SLC1A1: variants seen among roughly 807,000 people sequenced by gnomAD.
SLC1A1 encodes solute carrier family 1 member 1.
A neutral mutation model predicts 53.3 loss-of-function variants in SLC1A1; 43 were observed. The observed-to-expected ratio is 0.81, with a 90% CI of 0.63 to 1.04. The LOEUF is 1.04. Among genes scored for constraint, SLC1A1 ranks in the 50% least tolerant of loss-of-function variants. The pLI is 0.00. For synonymous variants in SLC1A1, 307 were observed against 243.2 expected (o/e 1.26, Z -2.44); for missense variants, 748 against 664.9 (o/e 1.12, Z -1.37).
intron 1 of SLC1A1, among the ~76,000 whole-genome samples, chr9:4,507,131 G>A (rs540439820): frequency 6.6e-6 from 1 of 152,186 alleles, no homozygotes; most frequent in African/African-American, 2.4e-5. Flanking sequence ...CCACTTGGGA[G>A]GTTGAGGCAG....
At chr9:4,516,199 A>C (rs575435266) in intron 1 of SLC1A1, among the ~76,000 whole-genome samples, 1 of 152,290 alleles carries the variant, frequency 6.6e-6, no homozygotes, top group African/African-American at 2.4e-5. Context: ...CCTTCACCCT[A>C]GGCATCCCTC....
At chr9:4,540,824 C>A (rs1321807200) in intron 1 of SLC1A1, among the ~76,000 whole-genome samples, 2 of 152,208 alleles carry the variant, frequency 1.3e-5, no homozygotes, top group Non-Finnish European at 2.9e-5. Flanking sequence ...ATAATGTGAT[C>A]TCATTTTAAA....
In SLC1A1 at chr9:4,585,650, C is replaced by T. The variant is rs1821522564; in HGVS notation, c.*92C>T. On this transcript the variant is annotated 3_prime_UTR_variant, in exon 12 of 12. Coordinates refer to ENST00000262352, the MANE Select transcript of SLC1A1 (RefSeq NM_004170.6). Reference sequence around the variant, plus strand: ...TTAAGGAAAAGAGAAACACTAATGGCCAAGTGTACATTTGATTTGATATAC... The same window carrying T: ...TTAAGGAAAAGAGAAACACTAATGGTCAAGTGTACATTTGATTTGATATAC... 2 of 1,447,338 alleles carry T rather than the reference C, an allele frequency of 1.4e-6. No individual in the cohort carries two copies. The highest frequency in any genetic ancestry group is 1.9e-6 in the Non-Finnish European group (2 of 1,032,496). The allele number at this position is 1,447,338 out of a possible 1,614,324, so 89.7% of individuals were successfully genotyped here.
intron 5 of SLC1A1, among the ~76,000 whole-genome samples, chr9:4,567,209 A>G (rs1310004908): frequency 3.3e-5 from 5 of 152,264 alleles, no homozygotes; most frequent in African/African-American, 9.6e-5. Flanking sequence ...TGGAACAACC[A>G]TATCGTTAAA....
At chr9:4,522,918 A>G (rs1049096037) in intron 1 of SLC1A1, among the ~76,000 whole-genome samples, 3 of 152,176 alleles carry the variant, frequency 2.0e-5, no homozygotes, top group South Asian at 2.1e-4. Context: ...CTGCCAAACC[A>G]TATCACCATC....
In SLC1A1 at chr9:4,583,056, C is replaced by T; in HGVS notation, c.1212C>T (p.Ala404=). 1.2e-6 allele frequency: 2 copies of T among 1,614,216 alleles called. No individual in the cohort carries two copies. The highest frequency in any genetic ancestry group is 1.7e-6 in the Non-Finnish European group (2 of 1,180,034). The change falls in exon 11 of 12, where the codon GCC becomes GCT. Residue 404 remains alanine (A), a synonymous_variant. Coordinates refer to ENST00000262352, the MANE Select transcript of SLC1A1 (RefSeq NM_004170.6). The surrounding 1 kb of genome is among the most constrained non-coding windows in gnomAD (Gnocchi z 4.6). ...IITISITATS[A]SIGAAGVPQA... ...TCTGCAGTATCACGGCCACATCTGC[C>T]AGCATCGGAGCTGCTGGCGTGCCCC...
At chr9:4,521,263 G>A (rs1816060900) in intron 1 of SLC1A1, among the ~76,000 whole-genome samples, 1 of 152,136 alleles carries the variant, frequency 6.6e-6, no homozygotes, top group Non-Finnish European at 1.5e-5. Flanking sequence ...GCCATATTGT[G>A]AAGCTTGGTT....
At chr9:4,555,147 A>C (rs953401353) in intron 2 of SLC1A1, among the ~76,000 whole-genome samples, 2 of 152,236 alleles carry the variant, frequency 1.3e-5, no homozygotes, top group Non-Finnish European at 2.9e-5. Context: ...ACCAAAGCCC[A>C]TGCCTTCTCT....
chr9:4,503,337 A>C (rs1283778303), intron 1 of SLC1A1, among the ~76,000 whole-genome samples: 2 of 151,900 alleles, frequency 1.3e-5, no homozygotes, highest in East Asian at 3.8e-4. Flanking sequence ...TTTGGCAATC[A>C]ATTAGGAACT....
chr9:4,561,315 T>C (rs1818915416), intron 2 of SLC1A1, 134 bp from the exon 3 acceptor site: 2 of 741,900 alleles, frequency 2.7e-6, no homozygotes, highest in South Asian at 1.4e-5. Flanking sequence ...CTTTTGCCCA[T>C]TGCATGTTAT....
chr9:4,539,861 T>C (rs1480436177), intron 1 of SLC1A1, among the ~76,000 whole-genome samples: 1 of 152,142 alleles, frequency 6.6e-6, no homozygotes, highest in East Asian at 1.9e-4. Flanking sequence ...TGAGCCACTG[T>C]ACCCGACCTT....
chr9:4,573,711 C>T (rs1220723328), intron 7 of SLC1A1, among the ~76,000 whole-genome samples, 196 bp from the exon 8 acceptor site: 1 of 152,096 alleles, frequency 6.6e-6, no homozygotes, highest in Non-Finnish European at 1.5e-5. Flanking sequence ...TTAAGGTGCA[C>T]ACAGGTACTA....
chr9:4,539,590 G>C (rs1021919439), intron 1 of SLC1A1, among the ~76,000 whole-genome samples: 14 of 151,450 alleles, frequency 9.2e-5, no homozygotes, highest in Admixed American at 4.6e-4. Context: ...TTTATTTTTT[G>C]AGATGGAATC....
chr9:4,536,803 A>C (rs1246353666), intron 1 of SLC1A1, among the ~76,000 whole-genome samples: 1 of 152,202 alleles, frequency 6.6e-6, no homozygotes, highest in Non-Finnish European at 1.5e-5. Context: ...CAAATGTCCA[A>C]CAATGATAGA....
chr9:4,585,655 T>A lies in SLC1A1; in HGVS notation c.*97T>A, dbSNP rs1821522711. On this transcript the variant is annotated 3_prime_UTR_variant, in exon 12 of 12. Transcript: ENST00000262352. ...GAAAAGAGAAACACTAATGGCCAAG[T>A]GTACATTTGATTTGATATACAGACC... The A allele has an allele frequency of 7.0e-7, 1 of 1,431,218 alleles. No individual in the cohort carries two copies. Among genetic ancestry groups the A allele is most frequent in the Non-Finnish European group, 9.8e-7 (1 of 1,018,890 alleles). 88.7% of individuals were successfully genotyped at this position (1,431,218 alleles called of 1,614,324 possible).
intron 1 of SLC1A1, among the ~76,000 whole-genome samples, chr9:4,510,563 C>T (rs1820968256): frequency 6.6e-6 from 1 of 152,146 alleles, no homozygotes. Context: ...TCATCTGGAC[C>T]TGTTGTCTCC....
chr9:4,561,650 G>A (rs896350773), intron 3 of SLC1A1, 109 bp downstream of exon 3: 10 of 788,946 alleles, frequency 1.3e-5, no homozygotes, highest in Non-Finnish European at 1.8e-5. Flanking sequence ...TCAGAAATCT[G>A]GGAGGCTGAT....
chr9:4,526,408 A>G (rs1426400089), intron 1 of SLC1A1, among the ~76,000 whole-genome samples: 1 of 152,214 alleles, frequency 6.6e-6, no homozygotes, highest in African/African-American at 2.4e-5. Flanking sequence ...CCAGACTGAT[A>G]CCATGTGAGT....
chr9:4,528,233 T>G (rs1816334024), intron 1 of SLC1A1, among the ~76,000 whole-genome samples: 1 of 152,138 alleles, frequency 6.6e-6, no homozygotes, highest in Non-Finnish European at 1.5e-5. Context: ...AGAAGATACT[T>G]CCTGCATGGA....
Sources: gnomAD v4.1 joint callset for allele counts (sites outside exome capture counted in the v4.1 genomes callset) on GRCh38, gnomAD v4.1.1 for gene constraint, Gnocchi (gnomAD v3.1) non-coding constraint, MANE v1.5 for transcripts, NCBI Gene and HGNC (gene_info 2026-07-23, HGNC 2026-07-21) for gene names.